Variants in RUFY2 observed in about 807,000 individuals in gnomAD.
RUFY2 encodes the protein RUN and FYVE domain-containing protein 2.
In RUFY2, 49 loss-of-function variants were observed where a neutral mutation model predicts 94.4. That is an observed-to-expected ratio of 0.52 (90% CI 0.41 to 0.66). The LOEUF (loss-of-function observed/expected upper bound fraction) is 0.66, where lower values mean the gene tolerates loss of function less well. Ranked by LOEUF, RUFY2 falls within the 30% of genes least tolerant of loss-of-function variation. The probability of loss-of-function intolerance (pLI) is 0.00; values close to 1 mark genes in which losing one functional copy is unlikely to be tolerated. For missense variants in RUFY2, 541 were observed against 692.8 expected, an observed-to-expected ratio of 0.78 and a Z score of 2.46; for synonymous variants, 255 against 235.7, an observed-to-expected ratio of 1.08 and a Z score of -0.75.
At chr10:68,348,819 G>A (rs1259166637) in intron 16 of RUFY2, among the ~76,000 whole-genome samples, 6 of 152,146 alleles carry the variant, frequency 3.9e-5, no homozygotes, top group African/African-American at 1.2e-4. Flanking sequence ...TTTTACACAT[G>A]AGAAAACTTA....
chr10:68,393,071 G>T, intron 7 of RUFY2, 67 bp downstream of exon 7: 1 of 788,954 alleles, frequency 1.3e-6, no homozygotes, highest in South Asian at 1.9e-5. Context: ...AATACGGTAA[G>T]CTGAAGGGAA....
intron 3 of RUFY2, 52 bp from the exon 4 acceptor site, chr10:68,396,933 T>C (rs746186226): frequency 1.7e-6 from 2 of 1,179,732 alleles, no homozygotes; most frequent in South Asian, 1.3e-5. Context: ...AAAGATCACA[T>C]CTTCTGTCTC....
At chr10:68,397,396 A>C (rs2050467810) in intron 3 of RUFY2, among the ~76,000 whole-genome samples, 1 of 152,080 alleles carries the variant, frequency 6.6e-6, no homozygotes, top group East Asian at 1.9e-4. Context: ...TCATTTAATG[A>C]AATGTTATGC....
At chr10:68,388,623 C>G (rs137997081) in intron 7 of RUFY2, among the ~76,000 whole-genome samples, 2 of 151,992 alleles carry the variant, frequency 1.3e-5, no homozygotes, top group Non-Finnish European at 2.9e-5. Context: ...GATGGCCTAG[C>G]TCAGAAGTTT....
chr10:68,372,134 T>G (rs1316697340), intron 13 of RUFY2, among the ~76,000 whole-genome samples: 1 of 152,040 alleles, frequency 6.6e-6, no homozygotes, highest in Non-Finnish European at 1.5e-5. Context: ...TAAGGCCAGG[T>G]GCAGTGGCTC....
chr10:68,399,580 A>G (rs1187660152), intron 3 of RUFY2, among the ~76,000 whole-genome samples: 1 of 152,222 alleles, frequency 6.6e-6, no homozygotes, highest in Non-Finnish European at 1.5e-5. Flanking sequence ...ATTTACAAAC[A>G]TTTGAACATT....
At chr10:68,341,805 C>T, downstream of RUFY2, 2 of 1,610,542 alleles carry the variant, frequency 1.2e-6, no homozygotes, top group Non-Finnish European at 1.7e-6. Flanking sequence ...GAATGGGGAA[C>T]AATTACAGTG....
At chr10:68,366,400 T>C (rs963125070) in intron 13 of RUFY2, among the ~76,000 whole-genome samples, 7 of 148,276 alleles carry the variant, frequency 4.7e-5, no homozygotes, top group African/African-American at 7.4e-5. Flanking sequence ...TTAAAATGTC[T>C]AAATAAAAAT....
At chr10:68,395,592 C>T (rs2133104695) in intron 4 of RUFY2, among the ~76,000 whole-genome samples, 2 of 152,272 alleles carry the variant, frequency 1.3e-5, no homozygotes, top group South Asian at 4.1e-4. Context: ...CAATTAAAGA[C>T]ACTTTGGGAT....
At position 68,378,168 on chromosome 10, in the gene RUFY2, G is replaced by A. The variant is rs1250482881; in HGVS notation, c.1206-1196C>T. ...TATTTTAAAGCATATGTAAAAATCT[G>A]TAAGGGAGCCATTGGGCAAAGAGTG... On this transcript the variant is annotated intron_variant, in intron 12 of 17. Transcript: ENST00000602465. The A allele has an allele frequency of 1.1e-5, 11 of 988,390 alleles. No individual in the cohort carries two copies. In the Admixed American group the frequency reaches 1.8e-4, roughly 16 times the overall value. The allele number at this position is 988,390 out of a possible 1,614,324, so 61.2% of individuals were successfully genotyped here.
intron 7 of RUFY2, among the ~76,000 whole-genome samples, chr10:68,388,837 C>CAAA (rs71009052): frequency 6.8e-5 from 7 of 102,472 alleles, no homozygotes; most frequent in East Asian, 3.0e-4. Context: ...AACCCTGTCT[C>CAAA]AAAAAAAAAA....
chr10:68,400,333 A>C (rs925679322), intron 3 of RUFY2, among the ~76,000 whole-genome samples: 5 of 151,672 alleles, frequency 3.3e-5, no homozygotes, highest in African/African-American at 1.2e-4. Context: ...AAAATAAAAT[A>C]AACAAAGACA....
At chr10:68,364,723 T>G (rs1453992020) in intron 13 of RUFY2, among the ~76,000 whole-genome samples, 2 of 150,488 alleles carry the variant, frequency 1.3e-5, no homozygotes, top group Non-Finnish European at 2.9e-5. Context: ...GCATTGTTCT[T>G]CTTTTTTTTT....
intron 16 of RUFY2, among the ~76,000 whole-genome samples, chr10:68,353,948 T>C (rs1159705344): frequency 6.6e-6 from 1 of 152,090 alleles, no homozygotes; most frequent in Non-Finnish European, 1.5e-5. Context: ...ATGACGTTAA[T>C]ATATAAGTCT....
intron 12 of RUFY2, chr10:68,377,690 T>C (rs2048766914): frequency 2.0e-6 from 2 of 985,460 alleles, no homozygotes; most frequent in Non-Finnish European, 2.4e-6. Context: ...TGCATTTTCC[T>C]GTGCTTAGCT....
chr10:68,377,569 G>C, intron 12 of RUFY2: 3 of 985,304 alleles, frequency 3.0e-6, no homozygotes, highest in Non-Finnish European at 3.6e-6. Context: ...AAAGAATTTG[G>C]TGCCAGTTGG....
chr10:68,363,999 G>C lies in RUFY2; in HGVS notation c.1440C>G (p.Ile480Met). Residue 480 changes from isoleucine to methionine, a missense_variant, in exon 14 of 18, where the codon ATC (isoleucine) becomes ATG (methionine). By Grantham distance (10) the Ile-to-Met change is conservative. This residue lies in a region of RUFY2 where 403 missense variants were observed against 480.7 expected (regional missense o/e 0.84). Coordinates refer to ENST00000602465, the MANE Select transcript of RUFY2 (RefSeq NM_001330103.2). ...CACTATTTACTTTTTTAAGACTAAT[G>C]ATTTGTTGAGTCTCATTTCTAAGAT... Reference protein sequence around the residue: ...LSHLRNETQQIISLKKEFLNL... With the variant: ...LSHLRNETQQMISLKKEFLNL... 9 of 1,597,768 alleles carry C rather than the reference G, an allele frequency of 5.6e-6. No individual in the cohort carries two copies. The highest frequency in any genetic ancestry group is 7.7e-6 in the Non-Finnish European group (9 of 1,167,752).
Position 68,345,694 on chromosome 10 carries a change from C to CT in RUFY2, c.*73dup. 7.1e-7 allele frequency: 1 copy of CT among 1,400,136 alleles called. No homozygotes were observed. The allele number at this position is 1,400,136 out of a possible 1,614,324, so 86.7% of individuals were successfully genotyped here. On this transcript the variant is annotated 3_prime_UTR_variant, in exon 18 of 18. Coordinates refer to ENST00000602465, the MANE Select transcript of RUFY2 (RefSeq NM_001330103.2). ...CCGAAAGCCGCTTAAGGAGAGCTGT[C>CT]TGGTTACCTTTGTATACAACATCAT...
chr10:68,373,673 G>A (rs1213352312), intron 13 of RUFY2, among the ~76,000 whole-genome samples: 1 of 152,182 alleles, frequency 6.6e-6, no homozygotes, highest in African/African-American at 2.4e-5. Flanking sequence ...TCAGGAGGCT[G>A]AGGCAGGAAG....
Sources: gnomAD v4.1 joint callset for allele counts (sites outside exome capture counted in the v4.1 genomes callset) on GRCh38, gnomAD v4.1.1 for gene constraint, gnomAD v4.1.1 regional missense constraint, MANE v1.5 for transcripts, NCBI Gene and HGNC (gene_info 2026-07-23, HGNC 2026-07-21) for gene names.